The following HSD17B11 variants were observed in gnomAD, a reference collection of about 807,000 sequenced individuals.
HSD17B11 encodes estradiol 17-beta-dehydrogenase 11.
In HSD17B11, 22 loss-of-function variants were observed where a neutral mutation model predicts 27.8. The observed-to-expected ratio is 0.79, with a 90% CI of 0.56 to 1.13. The LOEUF is 1.13. Ranked by LOEUF, HSD17B11 falls within the 50% of genes most tolerant of loss-of-function variation. HSD17B11 has a pLI of 0.00. For synonymous variants in HSD17B11, 117 were observed against 132.8 expected (o/e 0.88, Z 0.82); for missense variants, 314 against 351.1 (o/e 0.89, Z 0.84).
At chr4:87,361,583 C>A (rs1177193518) in intron 4 of HSD17B11, among the ~76,000 whole-genome samples, 1 of 152,032 alleles carries the variant, frequency 6.6e-6, no homozygotes, top group Non-Finnish European at 1.5e-5. Context: ...CTGGCTAACA[C>A]AGTGAAACCC....
At chr4:87,371,552 T>TAA in intron 4 of HSD17B11, among the ~76,000 whole-genome samples, 1 of 152,326 alleles carries the variant, frequency 6.6e-6, no homozygotes, top group East Asian at 1.9e-4. Context: ...GCTGCACACT[T>TAA]ACGACTTCTT....
At chr4:87,357,500 G>T in intron 4 of HSD17B11, 84 bp from the exon 5 acceptor site, 1 of 1,267,218 alleles carries the variant, frequency 7.9e-7, no homozygotes, top group Non-Finnish European at 1.1e-6. Flanking sequence ...CCTCTGCAGA[G>T]CAATGTGGGC....
chr4:87,345,483 G>GA (rs1474569369), intron 5 of HSD17B11, among the ~76,000 whole-genome samples: 1 of 151,790 alleles, frequency 6.6e-6, no homozygotes, highest in African/African-American at 2.4e-5. Flanking sequence ...TGAATTAGAG[G>GA]ACAGAAAAAC....
intron 5 of HSD17B11, among the ~76,000 whole-genome samples, chr4:87,341,264 T>G (rs1735161442): frequency 6.6e-6 from 1 of 151,968 alleles, no homozygotes; most frequent in Non-Finnish European, 1.5e-5. Flanking sequence ...CTCCACCTAC[T>G]GGGTTCAAGC....
At chr4:87,386,454 C>T (rs1187481032) in intron 1 of HSD17B11, among the ~76,000 whole-genome samples, 2 of 152,138 alleles carry the variant, frequency 1.3e-5, no homozygotes, top group Admixed American at 6.5e-5. Flanking sequence ...CCTCCCATCT[C>T]GGCCTCCCAA....
At chr4:87,365,730 A>T (rs1257193577) in intron 4 of HSD17B11, among the ~76,000 whole-genome samples, 1 of 134,696 alleles carries the variant, frequency 7.4e-6, no homozygotes, top group Admixed American at 7.9e-5. Context: ...TGTATAAAAA[A>T]GGTGAAATGT....
chr4:87,372,547 C>T (rs1735738290), intron 4 of HSD17B11, among the ~76,000 whole-genome samples, 162 bp downstream of exon 4: 1 of 152,108 alleles, frequency 6.6e-6, no homozygotes, highest in South Asian at 2.1e-4. Flanking sequence ...AGACAAGAGA[C>T]TTTGTGCAAC....
chr4:87,359,119 T>C (rs1735456318), intron 4 of HSD17B11, among the ~76,000 whole-genome samples: 1 of 152,172 alleles, frequency 6.6e-6, no homozygotes, highest in South Asian at 2.1e-4. Context: ...AATTGTAAGT[T>C]TCCTGAGGCC....
chr4:87,344,614 G>A (rs963029264), intron 5 of HSD17B11, among the ~76,000 whole-genome samples: 21 of 152,130 alleles, frequency 1.4e-4, no homozygotes, highest in Non-Finnish European at 3.1e-4. Flanking sequence ...AAGACCAGCA[G>A]AAATAGAAGA....
intron 4 of HSD17B11, among the ~76,000 whole-genome samples, chr4:87,363,964 C>T (rs911917950): frequency 6.6e-6 from 1 of 152,026 alleles, no homozygotes; most frequent in African/African-American, 2.4e-5. Context: ...TGGCTAAAGT[C>T]GGGTAATAAG....
chr4:87,357,949 ATTTTTTTTTT>A (rs57139706), intron 4 of HSD17B11, among the ~76,000 whole-genome samples: 33 of 80,240 alleles, frequency 4.1e-4, no homozygotes, highest in African/African-American at 5.1e-4. Context: ...CATTAGAGAA[ATTTTTTTTTT>A]TTTTTTTTTT....
At chr4:87,363,768 A>G (rs1044848182) in intron 4 of HSD17B11, among the ~76,000 whole-genome samples, 1 of 152,214 alleles carries the variant, frequency 6.6e-6, no homozygotes, top group African/African-American at 2.4e-5. Context: ...CTCAGTAGCT[A>G]AGGTTTTGCA....
chr4:87,361,455 A>T (rs1164884060), intron 4 of HSD17B11, among the ~76,000 whole-genome samples: 2 of 152,168 alleles, frequency 1.3e-5, no homozygotes, highest in Non-Finnish European at 2.9e-5. Flanking sequence ...CCATTCTTTT[A>T]TTCCTCTACT....
intron 4 of HSD17B11, among the ~76,000 whole-genome samples, chr4:87,369,856 A>T (rs28433555): frequency 0.13 from 19,182 of 152,274 alleles, 1,340 homozygotes; most frequent in East Asian, 0.31. Flanking sequence ...TTGACAGAAT[A>T]TATTAGCTAG....
chr4:87,360,383 T>C (rs1735484036), intron 4 of HSD17B11, among the ~76,000 whole-genome samples: 1 of 152,218 alleles, frequency 6.6e-6, no homozygotes, highest in South Asian at 2.1e-4. Flanking sequence ...CCCAAGGTAA[T>C]AATCAATGAT....
intron 5 of HSD17B11, among the ~76,000 whole-genome samples, chr4:87,356,986 C>T (rs1489733671): frequency 6.6e-6 from 1 of 152,176 alleles, no homozygotes; most frequent in Non-Finnish European, 1.5e-5. Flanking sequence ...CCCAAGCACA[C>T]CTGGTGACAT....
At chr4:87,374,893 A>G in intron 2 of HSD17B11, 63 bp from the exon 3 acceptor site, 1 of 1,270,728 alleles carries the variant, frequency 7.9e-7, no homozygotes, top group Non-Finnish European at 1.1e-6. Flanking sequence ...TTTATACACA[A>G]TGGCTATTTT....
intron 4 of HSD17B11, among the ~76,000 whole-genome samples, chr4:87,370,954 G>A (rs62319090): frequency 1.1e-3 from 119 of 109,620 alleles, no homozygotes; most frequent in East Asian, 3.1e-3. Context: ...GGGTTTCACC[G>A]TGTTAGCCAG....
intron 1 of HSD17B11, among the ~76,000 whole-genome samples, chr4:87,385,635 G>C (rs1720294779): frequency 6.6e-6 from 1 of 152,030 alleles, no homozygotes; most frequent in Admixed American, 6.6e-5. Flanking sequence ...TATTGTATTG[G>C]CCAGGTGCGG....
Sources: gnomAD v4.1 joint callset for allele counts (sites outside exome capture counted in the v4.1 genomes callset) on GRCh38, gnomAD v4.1.1 for gene constraint, MANE v1.5 for transcripts, NCBI Gene and HGNC (gene_info 2026-07-23, HGNC 2026-07-21) for gene names.